Variants in TBC1D32 observed in about 807,000 individuals in gnomAD.
TBC1D32 encodes TBC1 domain family member 32.
Under a neutral mutation model 170.3 loss-of-function variants are expected in TBC1D32, and 151 were observed. The observed-to-expected ratio is 0.89, with a 90% CI of 0.78 to 1.01. The LOEUF (loss-of-function observed/expected upper bound fraction) is 1.01. Ranked by LOEUF, TBC1D32 falls within the 50% of genes least tolerant of loss-of-function variation. The probability of loss-of-function intolerance (pLI) is 0.00; values close to 1 mark genes in which losing one functional copy is unlikely to be tolerated. For synonymous variants in TBC1D32, 498 were observed against 488.0 expected, an observed-to-expected ratio of 1.02 and a Z score of -0.27; for missense variants, 1,464 against 1,457.1, an observed-to-expected ratio of 1.00 and a Z score of -0.08.
chr6:121,107,916 A>T (rs1325927022), intron 29 of TBC1D32, among the ~76,000 whole-genome samples: 1 of 152,018 alleles, frequency 6.6e-6, no homozygotes, highest in Non-Finnish European at 1.5e-5. Flanking sequence ...TTGTTATGTA[A>T]TGGACTCCCT....
At chr6:121,272,501 T>C (rs1801602139) in intron 15 of TBC1D32, among the ~76,000 whole-genome samples, 1 of 151,926 alleles carries the variant, frequency 6.6e-6, no homozygotes, top group Non-Finnish European at 1.5e-5. Context: ...CACAGACACA[T>C]GAAAAAATGC....
intron 24 of TBC1D32, among the ~76,000 whole-genome samples, chr6:121,154,565 AC>A (rs1784633678): frequency 6.6e-6 from 1 of 152,212 alleles, no homozygotes; most frequent in African/African-American, 2.4e-5. Context: ...TTAATGATTT[AC>A]ATTTAAGATC....
chr6:121,223,367 AAC>A lies in TBC1D32; in HGVS notation c.2365-17_2365-16del. 1 of 1,511,206 alleles carries A rather than the reference AAC, an allele frequency of 6.6e-7. No individual in the cohort carries two copies. Among genetic ancestry groups the A allele is most frequent in the South Asian group, 1.2e-5 (1 of 84,226 alleles). The allele number at this position is 1,511,206 out of a possible 1,614,324, so 93.6% of individuals were successfully genotyped here. A position where few individuals can be genotyped will look rare whatever the true frequency, so the allele number is the denominator to read the frequency against. On this transcript the variant is annotated splice_polypyrimidine_tract_variant and intron_variant, in intron 20 of 31. Coordinates refer to ENST00000398212, the MANE Select transcript of TBC1D32 (RefSeq NM_152730.6). ...GCTAAAAAAGACTAGAGGGAAAGAA[AAC>A]AGTCATTTAAATGATTCACTTTTGT...
chr6:121,282,825 A>G (rs1429730499), intron 13 of TBC1D32, among the ~76,000 whole-genome samples: 2 of 151,878 alleles, frequency 1.3e-5, no homozygotes, highest in African/African-American at 2.4e-5. Flanking sequence ...AAAGATGTCT[A>G]TGCTGTAAGA....
chr6:121,126,458 A>G lies in TBC1D32; in HGVS notation c.2903T>C (p.Leu968Ser). ...AKPDIISGEALIELLEKFVLH... is the reference protein window; with the variant it reads ...AKPDIISGEASIELLEKFVLH... Reference sequence around the variant, plus strand: ...CACAAATTTTTCAAGTAATTCTATTAAGGCTGTAATAAACAAAGGAATAAT... The same window carrying G: ...CACAAATTTTTCAAGTAATTCTATTGAGGCTGTAATAAACAAAGGAATAAT... The change falls in exon 26 of 32, where the codon TTA (leucine) becomes TCA (serine). Residue 968 changes from leucine (L) to serine (S), a missense_variant. Leu to Ser is a moderately radical substitution (Grantham distance 145). This residue lies in a region of TBC1D32 where 1,363 missense variants were observed against 1,338.1 expected (regional missense o/e 1.02). Transcript: ENST00000398212. The G allele has an allele frequency of 1.2e-6, 2 of 1,607,750 alleles. No individual in the cohort carries two copies. Among genetic ancestry groups the G allele is most frequent in the Non-Finnish European group, 1.7e-6 (2 of 1,175,504 alleles).
At chr6:121,326,959 C>T (rs1162914058) in intron 1 of TBC1D32, among the ~76,000 whole-genome samples, 1 of 152,116 alleles carries the variant, frequency 6.6e-6, no homozygotes, top group Non-Finnish European at 1.5e-5. Context: ...TATCTCAAGA[C>T]TTTAAATACT....
chr6:121,296,161 T>C (rs1161959699), intron 10 of TBC1D32, among the ~76,000 whole-genome samples: 1 of 152,190 alleles, frequency 6.6e-6, no homozygotes, highest in Non-Finnish European at 1.5e-5. Flanking sequence ...GCATGTCTTA[T>C]GTGATTCTAG....
At chr6:121,131,481 G>A in intron 25 of TBC1D32, 146 bp downstream of exon 25, 1 of 760,548 alleles carries the variant, frequency 1.3e-6, no homozygotes, top group Non-Finnish European at 1.9e-6. Context: ...TGTTCTCTCA[G>A]GATCCCAATT....
At chr6:121,233,456 T>C (rs1315231908) in intron 20 of TBC1D32, among the ~76,000 whole-genome samples, 1 of 152,168 alleles carries the variant, frequency 6.6e-6, no homozygotes, top group Non-Finnish European at 1.5e-5. Context: ...TTTATCATTA[T>C]ATAATATCCT....
intron 29 of TBC1D32, among the ~76,000 whole-genome samples, chr6:121,108,328 T>G (rs542766940): frequency 6.6e-6 from 1 of 152,194 alleles, no homozygotes; most frequent in Admixed American, 6.5e-5. Context: ...AGTTTTGATG[T>G]AATTTGTTTA....
At chr6:121,141,553 C>T (rs557365088) in intron 24 of TBC1D32, among the ~76,000 whole-genome samples, 31 of 152,254 alleles carry the variant, frequency 2.0e-4, no homozygotes, top group African/African-American at 7.0e-4. Flanking sequence ...GAAAAGTCTT[C>T]AGCAAAATAC....
Position 121,223,321 on chromosome 6 carries a change from T to C in TBC1D32, c.2396A>G (p.Tyr799Cys). Reference sequence around the variant, plus strand: ...CCTTACAAGCTCATAAATAGCAGGATAGGATAACAAGTTCACCAGTGCTAA... The same window carrying C: ...CCTTACAAGCTCATAAATAGCAGGACAGGATAACAAGTTCACCAGTGCTAA... ...SFLALVNLLS[Y>C]PAIYELVRNQ... The change falls in exon 21 of 32, where the codon TAT (tyrosine) becomes TGT (cysteine). Residue 799 changes from tyrosine (Y) to cysteine (C), a missense_variant. Transcript: ENST00000398212. The C allele has an allele frequency of 5.0e-6, 8 of 1,596,194 alleles. No individual in the cohort carries two copies. The highest frequency in any genetic ancestry group is 6.0e-6 in the Non-Finnish European group (7 of 1,174,572).
At chr6:121,169,823 T>C (rs1388556665) in intron 22 of TBC1D32, among the ~76,000 whole-genome samples, 1 of 152,128 alleles carries the variant, frequency 6.6e-6, no homozygotes, top group African/African-American at 2.4e-5. Context: ...ATGCCAGCTA[T>C]TGAATGTGTA....
At chr6:121,203,217 T>C (rs1426795838) in intron 22 of TBC1D32, among the ~76,000 whole-genome samples, 1 of 151,348 alleles carries the variant, frequency 6.6e-6, no homozygotes, top group Non-Finnish European at 1.5e-5. Flanking sequence ...TAGAAATTAG[T>C]AGAAAAATGA....
At chr6:121,232,634 A>C (rs964840130) in intron 20 of TBC1D32, among the ~76,000 whole-genome samples, 3 of 151,840 alleles carry the variant, frequency 2.0e-5, no homozygotes, top group Non-Finnish European at 4.4e-5. Context: ...GAGGTCTTTC[A>C]TGTCTTTGGT....
chr6:121,262,269 T>C (rs55983388), intron 15 of TBC1D32, among the ~76,000 whole-genome samples: 16,144 of 151,854 alleles, frequency 0.11, 1,596 homozygotes, highest in African/African-American at 0.26. Context: ...ATTCAGGAAA[T>C]ACAGAGAACC....
At chr6:121,263,927 C>G (rs920052927) in intron 15 of TBC1D32, among the ~76,000 whole-genome samples, 2 of 152,174 alleles carry the variant, frequency 1.3e-5, no homozygotes, top group Admixed American at 1.3e-4. Flanking sequence ...CACTGGGATG[C>G]AGCTAAAGCA....
intron 26 of TBC1D32, among the ~76,000 whole-genome samples, chr6:121,124,893 C>A (rs1312445034): frequency 3.9e-5 from 6 of 151,960 alleles, no homozygotes; most frequent in Non-Finnish European, 8.8e-5. Context: ...AGAATGATTT[C>A]AATCTCTCTA....
intron 4 of TBC1D32, among the ~76,000 whole-genome samples, chr6:121,309,610 AT>A (rs1232434629): frequency 2.0e-5 from 3 of 152,164 alleles, no homozygotes; most frequent in Admixed American, 6.5e-5. Context: ...TAAAAAAAAA[AT>A]CTTCAAAAAT....
Sources: allele counts gnomAD v4.1 joint callset (sites outside exome capture counted in the v4.1 genomes callset), GRCh38; gene constraint gnomAD v4.1.1; regional missense constraint gnomAD v4.1.1; transcripts MANE v1.5; gene names NCBI Gene and HGNC (gene_info 2026-07-23, HGNC 2026-07-21).